Variants in SYNE1 observed in about 807,000 individuals in gnomAD.
The protein encoded by SYNE1 is spectrin repeat containing nuclear envelope protein 1.
In SYNE1, 616 loss-of-function variants were observed where a neutral mutation model predicts 1,111.0. The ratio of observed to expected loss-of-function variants is 0.55; its 90% CI spans 0.52 to 0.59. The LOEUF (loss-of-function observed/expected upper bound fraction) is 0.59. Among genes scored for constraint, SYNE1 ranks in the 20% least tolerant of loss-of-function variants. SYNE1 has a pLI of 0.00. For synonymous variants in SYNE1, 3,855 were observed against 3,825.8 expected (o/e 1.01, Z -0.28); for missense variants, 10,006 against 10,417.0 (o/e 0.96, Z 1.72).
chr6:152,619,851 A>G (rs1187301241), intron 3 of SYNE1, among the ~76,000 whole-genome samples: 1 of 152,108 alleles, frequency 6.6e-6, no homozygotes, highest in African/African-American at 2.4e-5. Flanking sequence ...GGCCTGAAAG[A>G]AGAGACGTCT....
chr6:152,193,737 C>A (rs947020202), intron 127 of SYNE1, among the ~76,000 whole-genome samples: 1 of 152,014 alleles, frequency 6.6e-6, no homozygotes, highest in East Asian at 1.9e-4. Context: ...ACAGGCCAGG[C>A]GCGGTAGCTC....
At chr6:152,244,484 A>C in intron 106 of SYNE1, 53 bp downstream of exon 106, 1 of 1,613,260 alleles carries the variant, frequency 6.2e-7, no homozygotes, top group South Asian at 1.1e-5. Flanking sequence ...TTTTTTCTAG[A>C]CTTCAAGTTT....
chr6:152,255,438 G>A (rs1444686771), intron 103 of SYNE1, among the ~76,000 whole-genome samples, 153 bp downstream of exon 103: 3 of 152,102 alleles, frequency 2.0e-5, no homozygotes, highest in African/African-American at 4.8e-5. Flanking sequence ...ATGAAAATGC[G>A]AACTATAAAT....
At chr6:152,132,290 C>T in intron 143 of SYNE1, 76 bp from the exon 144 acceptor site, 1 of 1,184,708 alleles carries the variant, frequency 8.4e-7, no homozygotes, top group Non-Finnish European at 1.3e-6. Flanking sequence ...CACGTTATCT[C>T]CCACTCCATC....
chr6:152,403,126 G>A (rs931701856), intron 46 of SYNE1, among the ~76,000 whole-genome samples: 7 of 152,154 alleles, frequency 4.6e-5, no homozygotes, highest in Non-Finnish European at 7.3e-5. Context: ...GAAATGTAGA[G>A]AAAATCAACA....
chr6:152,151,791 T>G (rs1225522877), intron 134 of SYNE1, 101 bp from the exon 135 acceptor site: 1 of 1,534,974 alleles, frequency 6.5e-7, no homozygotes, highest in African/African-American at 1.4e-5. Flanking sequence ...AAAGTCATTT[T>G]CTCAGCAAGC....
At chr6:152,254,393 G>T (rs1286565053) in intron 104 of SYNE1, among the ~76,000 whole-genome samples, 2 of 151,556 alleles carry the variant, frequency 1.3e-5, no homozygotes, top group Non-Finnish European at 2.9e-5. Flanking sequence ...TGGGATTACA[G>T]GCCTGCACCA....
intron 131 of SYNE1, among the ~76,000 whole-genome samples, chr6:152,162,664 A>G (rs143146009): frequency 6.6e-6 from 1 of 152,172 alleles, no homozygotes; most frequent in African/African-American, 2.4e-5. Context: ...AAATTGAAAA[A>G]CGTCTTGCTA....
intron 5 of SYNE1, among the ~76,000 whole-genome samples, chr6:152,521,261 T>C (rs568833096): frequency 6.6e-6 from 1 of 152,312 alleles, no homozygotes; most frequent in South Asian, 2.1e-4. Flanking sequence ...TATACTCTTC[T>C]TCTGATATGA....
chr6:152,367,130 A>G (rs1304313774), intron 62 of SYNE1, 88 bp downstream of exon 62: 9 of 1,486,366 alleles, frequency 6.1e-6, no homozygotes, highest in Non-Finnish European at 8.5e-6. Context: ...AGAGAATGTG[A>G]CATCATCACC....
At position 152,390,322 on chromosome 6, in the gene SYNE1, T is replaced by C; in HGVS notation, c.8135A>G (p.Glu2712Gly). ...GGAGCTCATGATGTCAGCCCACACT[T>C]CTTTAAGGGTCTCTAACTGAGTCTG... is the stretch of plus-strand genomic sequence containing the variant. ...VIQTQLETLKEVWADIMSSSV... is the reference protein window; with the variant it reads ...VIQTQLETLKGVWADIMSSSV... Residue 2712 changes from glutamate to glycine, a missense_variant, in exon 53 of 146, where the codon GAA becomes GGA. Around this residue, in one of 7 missense-constraint regions of SYNE1, gnomAD observed 4,955 missense variants for 5,017.2 expected, o/e 0.99. Transcript: ENST00000367255. 1 of 1,614,116 alleles carries C rather than the reference T, an allele frequency of 6.2e-7. No homozygotes were observed. Among genetic ancestry groups the C allele is most frequent in the Non-Finnish European group, 8.5e-7 (1 of 1,180,006 alleles).
At chr6:152,629,699 G>T (rs192408340) in intron 2 of SYNE1, among the ~76,000 whole-genome samples, 2 of 152,242 alleles carry the variant, frequency 1.3e-5, no homozygotes, top group Non-Finnish European at 2.9e-5. Flanking sequence ...ACAGAAAGAA[G>T]AGGGGGTGAA....
chr6:152,448,458 A>C (rs1161351234), intron 28 of SYNE1, among the ~76,000 whole-genome samples: 1 of 152,218 alleles, frequency 6.6e-6, no homozygotes, highest in Non-Finnish European at 1.5e-5. Flanking sequence ...TGTGCGATGC[A>C]AGCAACCAGT....
chr6:152,471,751 G>A lies in SYNE1; in HGVS notation c.1478C>T (p.Ser493Phe). 1.2e-6 allele frequency: 2 copies of A among 1,613,486 alleles called. No homozygotes were observed. Among genetic ancestry groups the A allele is most frequent in the Non-Finnish European group, 8.5e-7 (1 of 1,179,582 alleles). The stretch of plus-strand genomic sequence containing the variant: ...CATTAGGTGTAGCTCTGATGTGGAG[G>A]AAACAAAATGAAACCTAGAAATAAA... ...EDMAERFHFV[S>F]STSELHLMKM... Residue 493 changes from serine (S) to phenylalanine (F), a missense_variant, in exon 16 of 146, where the codon TCC (serine) becomes TTC (phenylalanine). Ser to Phe is a radical substitution (Grantham distance 155). This residue lies in a region of SYNE1 where 1,971 missense variants were observed against 2,084.1 expected (regional missense o/e 0.95). Coordinates refer to ENST00000367255, the MANE Select transcript of SYNE1 (RefSeq NM_182961.4).
intron 109 of SYNE1, 120 bp downstream of exon 109, chr6:152,236,697 T>C: frequency 2.5e-6 from 3 of 1,206,946 alleles, no homozygotes; most frequent in Non-Finnish European, 2.4e-6. Context: ...CTCCTTTCAA[T>C]GTCAATAACT....
At chr6:152,420,920 T>A (rs893523025) in intron 39 of SYNE1, among the ~76,000 whole-genome samples, 35 of 152,258 alleles carry the variant, frequency 2.3e-4, no homozygotes, top group African/African-American at 7.5e-4. Flanking sequence ...AATTGGAGAC[T>A]ATTTGTGAGC....
chr6:152,603,317 G>A (rs1034107705), intron 3 of SYNE1, among the ~76,000 whole-genome samples: 2 of 152,008 alleles, frequency 1.3e-5, no homozygotes, highest in Non-Finnish European at 2.9e-5. Flanking sequence ...TGATTTCCAC[G>A]CCATATTCTG....
intron 133 of SYNE1, among the ~76,000 whole-genome samples, chr6:152,152,684 A>G (rs1563060784): frequency 6.6e-6 from 1 of 152,224 alleles, no homozygotes; most frequent in Non-Finnish European, 1.5e-5. Flanking sequence ...CTTTTGCAAA[A>G]GGTCTTCCAA....
At chr6:152,602,900 G>GT (rs1461230735) in intron 3 of SYNE1, among the ~76,000 whole-genome samples, 1 of 152,186 alleles carries the variant, frequency 6.6e-6, no homozygotes, top group Non-Finnish European at 1.5e-5. Context: ...AAGTTCTCCT[G>GT]TAAGAGCTGG....
Sources: gnomAD v4.1 joint callset for allele counts (sites outside exome capture counted in the v4.1 genomes callset) on GRCh38, gnomAD v4.1.1 for gene constraint, gnomAD v4.1.1 regional missense constraint, MANE v1.5 for transcripts, NCBI Gene and HGNC (gene_info 2026-07-23, HGNC 2026-07-21) for gene names.